The following WAC variants were observed in gnomAD, a reference collection of about 807,000 sequenced individuals.
WAC encodes WW domain containing adaptor with coiled-coil.
WAC carries 11 observed loss-of-function variants against 79.6 expected under a neutral mutation model. The observed-to-expected ratio is 0.14, with a 90% CI of 0.09 to 0.23. The LOEUF is 0.23. WAC is among the 10% of genes least tolerant of loss of function. The pLI is 1.00. For missense variants in WAC, 728 were observed against 773.5 expected (o/e 0.94, Z 0.70); for synonymous variants, 304 against 276.9 (o/e 1.10, Z -0.97).
intron 6 of WAC, among the ~76,000 whole-genome samples, chr10:28,595,065 A>G (rs926202856): frequency 6.6e-6 from 1 of 152,118 alleles, no homozygotes; most frequent in East Asian, 1.9e-4. Context: ...CGGGTGTTGG[A>G]CTTCTATTTT....
rs71391048 is a variant in WAC, at chr10:28,535,887, A to AT, written c.274+140dup. ...GTCATTAAAATATTTTAATCCTATCATTTTTTTTTTACTCTGAACAAGTTA... is the reference window on the plus strand; with the variant it reads ...GTCATTAAAATATTTTAATCCTATCATTTTTTTTTTTACTCTGAACAAGTTA... On this transcript the variant is annotated intron_variant, in intron 3 of 13. Transcript: ENST00000354911. The AT allele has an allele frequency of 0.18, 125,142 of 706,594 alleles. 6,618 individuals are homozygous for AT. Among genetic ancestry groups the AT allele is most frequent in the Non-Finnish European group, 0.19 (92,195 of 472,978 alleles). 43.8% of individuals were successfully genotyped at this position (706,594 alleles called of 1,614,324 possible). A position where few individuals can be genotyped will look rare whatever the true frequency, so the allele number is the denominator to read the frequency against.
At chr10:28,590,859 A>G in intron 6 of WAC, 27 bp downstream of exon 6, 4 of 1,539,776 alleles carry the variant, frequency 2.6e-6, no homozygotes, top group South Asian at 1.2e-5. Context: ...TTTCTTTGAA[A>G]TGTATGTTTG....
chr10:28,610,121 C>G (rs1002943764), intron 8 of WAC, among the ~76,000 whole-genome samples: 5 of 151,824 alleles, frequency 3.3e-5, no homozygotes, highest in African/African-American at 1.2e-4. Flanking sequence ...TTAGTAGAGA[C>G]AGGGTTTCAC....
chr10:28,607,598 T>A (rs1841022194), intron 7 of WAC, among the ~76,000 whole-genome samples: 1 of 152,218 alleles, frequency 6.6e-6, no homozygotes, highest in Non-Finnish European at 1.5e-5. Flanking sequence ...GCCTTATATA[T>A]TGAATTACAA....
chr10:28,579,500 C>T (rs1839423625), intron 3 of WAC, among the ~76,000 whole-genome samples: 1 of 152,124 alleles, frequency 6.6e-6, no homozygotes, highest in South Asian at 2.1e-4. Flanking sequence ...TTACTATATT[C>T]TTTCTCTTAG....
chr10:28,617,431 T>C (rs796125251), intron 12 of WAC, among the ~76,000 whole-genome samples: 27 of 152,336 alleles, frequency 1.8e-4, no homozygotes, highest in African/African-American at 5.1e-4. Flanking sequence ...GAAATCCTAT[T>C]TTCTCCAACT....
chr10:28,534,196 A>C (rs1239006699), intron 2 of WAC, 162 bp downstream of exon 2: 2 of 631,514 alleles, frequency 3.2e-6, no homozygotes, highest in Non-Finnish European at 5.2e-6. Flanking sequence ...TGGTTCCTTT[A>C]GCGCTCTCCA....
At chr10:28,558,910 A>G (rs547626615) in intron 3 of WAC, among the ~76,000 whole-genome samples, 4 of 152,220 alleles carry the variant, frequency 2.6e-5, no homozygotes, top group Non-Finnish European at 5.9e-5. Flanking sequence ...AAAATATCAG[A>G]AAATCCTAGA....
At chr10:28,601,572 A>G (rs1269295262) in intron 7 of WAC, among the ~76,000 whole-genome samples, 2 of 152,188 alleles carry the variant, frequency 1.3e-5, no homozygotes, top group Non-Finnish European at 2.9e-5. Flanking sequence ...CATACCCAAA[A>G]GAAAGGCAGA....
chr10:28,541,850 A>C (rs1247748544), intron 3 of WAC, among the ~76,000 whole-genome samples: 1 of 152,080 alleles, frequency 6.6e-6, no homozygotes, highest in African/African-American at 2.4e-5. Flanking sequence ...CTTAGCTTGA[A>C]TTCTGCAAGA....
intron 3 of WAC, among the ~76,000 whole-genome samples, chr10:28,547,191 AT>A (rs1416173531): frequency 5.3e-5 from 8 of 152,100 alleles, no homozygotes; most frequent in African/African-American, 1.9e-4. Context: ...TTCATTTCTC[AT>A]TTTTAAAAGC....
chr10:28,538,368 G>T, intron 3 of WAC: 1 of 259,310 alleles, frequency 3.9e-6, no homozygotes, highest in South Asian at 3.1e-5. Context: ...GATCACCTGA[G>T]GTCAGGAGTT....
At chr10:28,563,040 C>G (rs1338155454) in intron 3 of WAC, among the ~76,000 whole-genome samples, 1 of 152,076 alleles carries the variant, frequency 6.6e-6, no homozygotes, top group Non-Finnish European at 1.5e-5. Context: ...GTACAAAGAA[C>G]TATATTACTC....
chr10:28,560,609 A>G (rs1838248778), intron 3 of WAC, among the ~76,000 whole-genome samples: 1 of 152,194 alleles, frequency 6.6e-6, no homozygotes, highest in Non-Finnish European at 1.5e-5. Flanking sequence ...CTGCATGTAC[A>G]TGGAATTTAA....
intron 3 of WAC, among the ~76,000 whole-genome samples, chr10:28,538,941 G>C (rs1437708587): frequency 6.6e-6 from 1 of 151,612 alleles, no homozygotes; most frequent in East Asian, 1.9e-4. Context: ...ATGCAAGTGA[G>C]TTGGATTATC....
At position 28,623,001 on chromosome 10, in the gene WAC, T is replaced by C. The variant is rs1049293298; in HGVS notation, c.*3395T>C. The C allele has an allele frequency of 1.3e-5, 2 of 152,184 alleles. No homozygotes were observed. The highest frequency in any genetic ancestry group is 2.4e-5 in the African/African-American group (1 of 41,442). The allele number at this position is 152,184 out of a possible 1,614,324, so 9.4% of individuals were successfully genotyped here. On this transcript the variant is annotated 3_prime_UTR_variant, in exon 14 of 14. Coordinates refer to ENST00000354911, the MANE Select transcript of WAC (RefSeq NM_016628.5). ...AAATGACACTGAAAAGTAATAAATA[T>C]GTTTTGACTATATTGTGCAGTTATT...
At chr10:28,535,051 GGA>G (rs1407105019) in intron 2 of WAC, among the ~76,000 whole-genome samples, 1 of 151,636 alleles carries the variant, frequency 6.6e-6, no homozygotes, top group African/African-American at 2.4e-5. Context: ...CCCACACCTG[GGA>G]GAGTAAGGAA....
At chr10:28,564,231 C>T (rs563252195) in intron 3 of WAC, among the ~76,000 whole-genome samples, 3 of 152,138 alleles carry the variant, frequency 2.0e-5, no homozygotes, top group Non-Finnish European at 4.4e-5. Context: ...TGCCACTGCA[C>T]GATAGAGCCA....
Position 28,538,321 on chromosome 10 carries a change from G to A in WAC, c.274+2564G>A, listed in dbSNP as rs1243391630. ...AATTCAGGCCGGGTCAGTGGCTCAC[G>A]CCGGAATCTCAGCACTTTGGGAGGC... On this transcript the variant is annotated intron_variant, in intron 3 of 13. Coordinates refer to ENST00000354911, the MANE Select transcript of WAC (RefSeq NM_016628.5). 1.8e-5 allele frequency: 6 copies of A among 332,452 alleles called. No homozygotes were observed. The East Asian group carries it at 5.7e-4, about 32-fold the overall frequency. The allele number at this position is 332,452 out of a possible 1,614,324, so 20.6% of individuals were successfully genotyped here. A position where few individuals can be genotyped will look rare whatever the true frequency, so the allele number is the denominator to read the frequency against.
Sources: gnomAD v4.1 joint callset for allele counts (sites outside exome capture counted in the v4.1 genomes callset) on GRCh38, gnomAD v4.1.1 for gene constraint, MANE v1.5 for transcripts, NCBI Gene and HGNC (gene_info 2026-07-23, HGNC 2026-07-21) for gene names.